Variants in TCF12 observed in about 807,000 individuals in gnomAD.
The protein encoded by TCF12 is transcription factor 12, also known as DNA-binding protein HTF4.
TCF12 carries 45 observed loss-of-function variants against 86.0 expected under a neutral mutation model. The ratio of observed to expected loss-of-function variants is 0.52; its 90% CI spans 0.41 to 0.67. The LOEUF (loss-of-function observed/expected upper bound fraction) is 0.67. Ranked by LOEUF, TCF12 falls within the 30% of genes least tolerant of loss-of-function variation. The pLI is 0.00. For missense variants in TCF12, 881 were observed against 859.9 expected (o/e 1.02, Z -0.31); for synonymous variants, 330 against 299.6 (o/e 1.10, Z -1.05).
intron 3 of TCF12, among the ~76,000 whole-genome samples, chr15:57,022,072 A>G (rs2065522965): frequency 2.0e-5 from 3 of 151,940 alleles, no homozygotes; most frequent in Admixed American, 1.3e-4. Context: ...GTATGTATGT[A>G]TGTATGTATT....
intron 3 of TCF12, among the ~76,000 whole-genome samples, chr15:57,003,046 T>C (rs2064143384): frequency 6.6e-6 from 1 of 152,230 alleles, no homozygotes; most frequent in African/African-American, 2.4e-5. Flanking sequence ...AAGAGGAACA[T>C]GATAATTTCC....
chr15:57,037,434 AAAACAAAC>A (rs57821231), intron 3 of TCF12, among the ~76,000 whole-genome samples: 10 of 151,002 alleles, frequency 6.6e-5, no homozygotes, highest in South Asian at 2.1e-4. Context: ...AGAGCTCAAA[AAAACAAAC>A]AAACAAACAA....
chr15:57,022,212 C>T (rs1444430873), intron 3 of TCF12, among the ~76,000 whole-genome samples: 1 of 151,890 alleles, frequency 6.6e-6, no homozygotes, highest in Non-Finnish European at 1.5e-5. Context: ...TGCTGTCCCT[C>T]CCCCAGCTCC....
chr15:57,188,091 A>G (rs1427554200), intron 6 of TCF12, among the ~76,000 whole-genome samples: 1 of 152,230 alleles, frequency 6.6e-6, no homozygotes, highest in Non-Finnish European at 1.5e-5. Context: ...TAGAGCTAAT[A>G]AATAAATTTA....
rs1750612512 is a variant in TCF12, at chr15:57,016,371, A to G, written c.149-47379A>G. Among the ~76,000 whole-genome samples the G allele has an allele frequency of 1.3e-5, 2 of 152,204 alleles. 1 individual carries two copies. The highest frequency in any genetic ancestry group is 1.3e-4 in the Admixed American group (2 of 15,280). ...AGTTTAAGTGGAAAGGTCAACACAG[A>G]AACATGAGGAGGAAGCCAGTTGAAT... On this transcript the variant is annotated intron_variant, in intron 3 of 20. Coordinates refer to ENST00000333725, the MANE Select transcript of TCF12 (RefSeq NM_207037.2).
chr15:56,949,821 G>C (rs1382840589), intron 3 of TCF12, among the ~76,000 whole-genome samples: 2 of 152,156 alleles, frequency 1.3e-5, no homozygotes, highest in African/African-American at 4.8e-5. Flanking sequence ...AGTGTCATGG[G>C]GTTATAGAGG....
At chr15:57,030,343 AT>A (rs1484017801) in intron 3 of TCF12, among the ~76,000 whole-genome samples, 1 of 152,064 alleles carries the variant, frequency 6.6e-6, no homozygotes, top group Non-Finnish European at 1.5e-5. Context: ...AGCTCAACTG[AT>A]TCTCCCACCC....
intron 5 of TCF12, among the ~76,000 whole-genome samples, chr15:57,133,322 C>T (rs1214795419): frequency 6.6e-6 from 1 of 152,242 alleles, no homozygotes; most frequent in East Asian, 1.9e-4. Context: ...TCACTCGAAA[C>T]AACCCTGTAT....
chr15:57,163,681 C>T (rs1301485356), intron 5 of TCF12, among the ~76,000 whole-genome samples: 2 of 152,112 alleles, frequency 1.3e-5, no homozygotes, highest in Non-Finnish European at 2.9e-5. Flanking sequence ...CTAGCCTGTA[C>T]GACAGAGCGA....
chr15:57,029,889 A>C (rs1281237360), intron 3 of TCF12, among the ~76,000 whole-genome samples: 1 of 152,194 alleles, frequency 6.6e-6, no homozygotes, highest in African/African-American at 2.4e-5. Flanking sequence ...GTGAGATTCA[A>C]CTATGTTGTA....
At chr15:57,049,602 T>TC (rs1262281507) in intron 3 of TCF12, among the ~76,000 whole-genome samples, 2 of 152,222 alleles carry the variant, frequency 1.3e-5, no homozygotes, top group Non-Finnish European at 2.9e-5. Flanking sequence ...CATACATTTA[T>TC]CCCCTTGGGT....
intron 8 of TCF12, among the ~76,000 whole-genome samples, chr15:57,223,333 C>T (rs934668942): frequency 1.1e-4 from 17 of 152,030 alleles, no homozygotes; most frequent in Admixed American, 5.9e-4. Context: ...TACCCATTTA[C>T]ATTAAAATAT....
rs55707134 is a variant in TCF12 at position 56,958,678 on chromosome 15, AGTGTGTGTGTGT to A, written c.148+37606_148+37617del. Among the ~76,000 whole-genome samples the A allele has an allele frequency of 4.9e-3, 700 of 142,250 alleles. 6 individuals are homozygous for A. The highest frequency in any genetic ancestry group is 6.9e-3 in the Non-Finnish European group (461 of 66,818). The allele number at this position is 142,250 out of a possible 152,430, so 93.3% of individuals were successfully genotyped here. A position where few individuals can be genotyped will look rare whatever the true frequency, so the allele number is the denominator to read the frequency against. On this transcript the variant is annotated intron_variant, in intron 3 of 20. Transcript: ENST00000333725. Reference sequence around the variant, plus strand: ...ATATGAGAAAGAGAGAGAGAGAGAGAGTGTGTGTGTGTGTGTGTGTGTGTGTGTGTGTGTGTG... The same window carrying A: ...ATATGAGAAAGAGAGAGAGAGAGAGAGTGTGTGTGTGTGTGTGTGTGTGTG...
chr15:57,170,446 A>G (rs1232078319), intron 6 of TCF12, among the ~76,000 whole-genome samples: 1 of 150,386 alleles, frequency 6.6e-6, no homozygotes, highest in African/African-American at 2.5e-5. Context: ...TTCTGCTTCC[A>G]CCTATGTAGT....
At position 57,093,264 on chromosome 15, in the gene TCF12, A is replaced by G. The variant is rs181997781; in HGVS notation, c.325+1373A>G. ...TTTTAAATTTTCAATTGAGCTTGCCATCAAAGTAAAATCGATATAACACTC... is the reference window on the plus strand; with the variant it reads ...TTTTAAATTTTCAATTGAGCTTGCCGTCAAAGTAAAATCGATATAACACTC... On this transcript the variant is annotated intron_variant, in intron 5 of 20. Coordinates refer to ENST00000333725, the MANE Select transcript of TCF12 (RefSeq NM_207037.2). Among the ~76,000 whole-genome samples the G allele has an allele frequency of 2.1e-4, 32 of 152,352 alleles. No individual in the cohort carries two copies. The East Asian group carries it at 4.2e-3, about 20-fold the overall frequency.
chr15:57,156,853 T>G (rs1469451414), intron 5 of TCF12, among the ~76,000 whole-genome samples: 10 of 152,208 alleles, frequency 6.6e-5, no homozygotes, highest in African/African-American at 2.4e-4. Context: ...TTAGCAACAG[T>G]GAGCCTAATG....
At chr15:57,262,971 A>G (rs1461406145) in intron 17 of TCF12, 141 bp from the exon 18 acceptor site, 1 of 782,758 alleles carries the variant, frequency 1.3e-6, no homozygotes, top group Non-Finnish European at 2.0e-6. Flanking sequence ...TAAATAGTAT[A>G]CTTTCCTACA....
At chr15:57,104,321 T>C (rs540557623) in intron 5 of TCF12, among the ~76,000 whole-genome samples, 6 of 152,198 alleles carry the variant, frequency 3.9e-5, no homozygotes, top group Admixed American at 3.9e-4. Flanking sequence ...TCCAAAAATA[T>C]TATTGGCAGA....
intron 3 of TCF12, among the ~76,000 whole-genome samples, chr15:57,057,502 G>C (rs1387104010): frequency 1.3e-5 from 2 of 152,178 alleles, no homozygotes; most frequent in African/African-American, 4.8e-5. Flanking sequence ...ATCCCAATCA[G>C]CCTGTTTTTG....
Sources: gnomAD v4.1 joint callset for allele counts (sites outside exome capture counted in the v4.1 genomes callset) on GRCh38, gnomAD v4.1.1 for gene constraint, MANE v1.5 for transcripts, NCBI Gene and HGNC (gene_info 2026-07-23, HGNC 2026-07-21) for gene names.